The following NSMCE1 variants were observed in gnomAD, a reference collection of about 807,000 sequenced individuals.
NSMCE1 encodes non-structural maintenance of chromosomes element 1 homolog.
NSMCE1 carries 18 observed loss-of-function variants against 29.6 expected under a neutral mutation model. The ratio of observed to expected loss-of-function variants is 0.61; its 90% confidence interval spans 0.42 to 0.90. NSMCE1 has a LOEUF of 0.90. Among genes scored for constraint, NSMCE1 ranks in the 40% least tolerant of loss-of-function variants. NSMCE1 has a pLI of 0.00. For missense variants in NSMCE1, 314 were observed against 343.6 expected (o/e 0.91, Z 0.68); for synonymous variants, 124 against 133.4 (o/e 0.93, Z 0.49).
At chr16:27,233,666 A>T (rs2083786178) in intron 4 of NSMCE1, among the ~76,000 whole-genome samples, 1 of 152,254 alleles carries the variant, frequency 6.6e-6, no homozygotes, top group African/African-American at 2.4e-5. Flanking sequence ...CATTGCATCT[A>T]GGCCTGAGAA....
At chr16:27,245,668 G>A (rs901932566) in intron 2 of NSMCE1, among the ~76,000 whole-genome samples, 1 of 152,198 alleles carries the variant, frequency 6.6e-6, no homozygotes, top group Admixed American at 6.5e-5. Context: ...CTTAATAACT[G>A]CCGGCTGTCA....
At chr16:27,251,079 G>T (rs2084022743) in intron 2 of NSMCE1, among the ~76,000 whole-genome samples, 1 of 146,816 alleles carries the variant, frequency 6.8e-6, no homozygotes, top group Non-Finnish European at 1.5e-5. Flanking sequence ...GACCTCAGGT[G>T]ATCTGCCCAC....
At chr16:27,266,339 A>G (rs567100264) in intron 1 of NSMCE1, 2 of 152,310 alleles carry the variant, frequency 1.3e-5, no homozygotes, top group Admixed American at 6.5e-5. Context: ...TAGGAGTGGA[A>G]GAAAGACAAC....
In NSMCE1 at chr16:27,263,675, C is replaced by T. The variant is rs117282203; in HGVS notation, c.-12+5031G>A. On this transcript the variant is annotated intron_variant, in intron 1 of 7. Coordinates refer to ENST00000361439, the MANE Select transcript of NSMCE1 (RefSeq NM_145080.4). ...AGTTTACCTATCTAATAAACCTTCA[C>T]GTGTGCTGCCAAACCTAAGTTTTTT... Among the ~76,000 whole-genome samples, 117 of 152,314 alleles carry T rather than the reference C, an allele frequency of 7.7e-4. 1 individual carries two copies. The East Asian group carries it at 0.02, about 26-fold the overall frequency.
At chr16:27,236,806 A>G (rs2083830935) in intron 2 of NSMCE1, among the ~76,000 whole-genome samples, 1 of 152,254 alleles carries the variant, frequency 6.6e-6, no homozygotes, top group African/African-American at 2.4e-5. Context: ...CCAGCAGGTT[A>G]CCCACTGGAC....
chr16:27,257,012 G>C (rs549061198), intron 2 of NSMCE1, among the ~76,000 whole-genome samples: 24 of 152,314 alleles, frequency 1.6e-4, no homozygotes, highest in African/African-American at 5.5e-4. Context: ...ACCGCACCCA[G>C]CCAAGCTGCC....
At chr16:27,250,520 G>C (rs558228465) in intron 2 of NSMCE1, among the ~76,000 whole-genome samples, 1 of 151,530 alleles carries the variant, frequency 6.6e-6, no homozygotes, top group African/African-American at 2.4e-5. Flanking sequence ...GGCCAGGCGC[G>C]GTGGCTCATG....
At chr16:27,226,005 G>A in intron 6 of NSMCE1, 159 bp from the exon 7 acceptor site, 1 of 774,782 alleles carries the variant, frequency 1.3e-6, no homozygotes, top group Non-Finnish European at 2.0e-6. Context: ...TTAGTGCAGT[G>A]GAGTCTTTTG....
intron 2 of NSMCE1, among the ~76,000 whole-genome samples, chr16:27,252,439 G>A (rs2084044496): frequency 6.6e-6 from 1 of 152,120 alleles, no homozygotes; most frequent in African/African-American, 2.4e-5. Flanking sequence ...CAATTTTGTG[G>A]GATTATTTTT....
intron 1 of NSMCE1, chr16:27,268,359 T>C (rs543595142): frequency 3.3e-5 from 5 of 152,356 alleles, no homozygotes; most frequent in South Asian, 4.1e-4. Context: ...TCGAATTTTA[T>C]ATTTTGCTTT....
At chr16:27,228,875 C>T (rs1304524966) in intron 5 of NSMCE1, among the ~76,000 whole-genome samples, 12 of 151,476 alleles carry the variant, frequency 7.9e-5, no homozygotes, top group African/African-American at 2.2e-4. Flanking sequence ...CCCCGGCCAC[C>T]GCCCTCTTCC....
intron 2 of NSMCE1, among the ~76,000 whole-genome samples, chr16:27,245,331 T>A (rs61044565): frequency 0.013 from 1,954 of 152,332 alleles, 29 homozygotes; most frequent in African/African-American, 0.043. Flanking sequence ...GCGGGGTCTG[T>A]GGTAATCCCA....
At chr16:27,258,724 C>T (rs1373359439) in intron 1 of NSMCE1, among the ~76,000 whole-genome samples, 1 of 152,086 alleles carries the variant, frequency 6.6e-6, no homozygotes, top group Non-Finnish European at 1.5e-5. Flanking sequence ...ATCCACAAGA[C>T]TGCTAATTAC....
At position 27,250,693 on chromosome 16, in the gene NSMCE1, G is replaced by A. The variant is rs914020804; in HGVS notation, c.136+6742C>T. On this transcript the variant is annotated intron_variant, in intron 2 of 7. Coordinates refer to ENST00000361439, the MANE Select transcript of NSMCE1 (RefSeq NM_145080.4). ...CTGTAATCCCAGCTACTCGGGAGGC[G>A]GAGGCAGGAGAACTGCTTAAACCCA... Among the ~76,000 whole-genome samples, 8 of 151,334 alleles carry A rather than the reference G, an allele frequency of 5.3e-5. No individual in the cohort carries two copies. The East Asian group carries it at 5.9e-4, about 11-fold the overall frequency.
intron 2 of NSMCE1, among the ~76,000 whole-genome samples, chr16:27,236,873 C>T (rs1043257472): frequency 5.3e-5 from 8 of 152,114 alleles, no homozygotes; most frequent in Admixed American, 3.9e-4. Context: ...ACAGGGCACT[C>T]GTGCTGTATG....
rs544711042 is a variant in NSMCE1, at chr16:27,249,858, G to A, written c.136+7577C>T. 8.5e-5 allele frequency among the ~76,000 whole-genome samples: 13 copies of A among 152,286 alleles called. No homozygotes were observed. The South Asian group carries it at 2.7e-3, about 32-fold the overall frequency. On this transcript the variant is annotated intron_variant, in intron 2 of 7. Coordinates refer to ENST00000361439, the MANE Select transcript of NSMCE1 (RefSeq NM_145080.4). ...TCTATAGATCAATTTGGGGAGAATT[G>A]ATACCTTAACAATACTGAATTTCCC...
rs185732996 is a variant in NSMCE1, at chr16:27,242,745, T to G, written c.137-7446A>C. Among the ~76,000 whole-genome samples, 103 of 152,324 alleles carry G rather than the reference T, an allele frequency of 6.8e-4. 1 individual carries two copies. Among genetic ancestry groups the G allele is most frequent in the Non-Finnish European group, 1.2e-3 (80 of 68,034 alleles). On this transcript the variant is annotated intron_variant, in intron 2 of 7. Transcript: ENST00000361439. The stretch of plus-strand genomic sequence containing the variant: ...TGCTACTGATGCTGTTCATACACAT[T>G]TCATCTAATCACACCCACTGAAAAC...
At chr16:27,248,939 C>A (rs1044032686) in intron 2 of NSMCE1, among the ~76,000 whole-genome samples, 14 of 152,144 alleles carry the variant, frequency 9.2e-5, no homozygotes, top group African/African-American at 3.4e-4. Context: ...AGCAACCCTC[C>A]CACATCAGCC....
At chr16:27,242,809 A>G (rs979454182) in intron 2 of NSMCE1, among the ~76,000 whole-genome samples, 17 of 152,352 alleles carry the variant, frequency 1.1e-4, no homozygotes, top group African/African-American at 4.1e-4. Flanking sequence ...GGCAGCTCTG[A>G]CACCTTCTGT....
Sources: gnomAD v4.1 joint callset for allele counts (sites outside exome capture counted in the v4.1 genomes callset) on GRCh38, gnomAD v4.1.1 for gene constraint, MANE v1.5 for transcripts, NCBI Gene and HGNC (gene_info 2026-07-23, HGNC 2026-07-21) for gene names.